CMIP: variants seen among roughly 807,000 people sequenced by gnomAD.
CMIP encodes the protein C-Maf-inducing protein.
In CMIP, 13 loss-of-function variants were observed where a neutral mutation model predicts 97.3. That is an observed-to-expected ratio of 0.13 (90% confidence interval 0.09 to 0.21). CMIP has a LOEUF of 0.21. Ranked by LOEUF, CMIP falls within the 10% of genes least tolerant of loss-of-function variation. The pLI is 1.00. For missense variants in CMIP, 847 were observed against 1,024.9 expected, an observed-to-expected ratio of 0.83 and a Z score of 2.37; for synonymous variants, 538 against 436.3, an observed-to-expected ratio of 1.23 and a Z score of -2.91.
chr16:81,686,739 C>T (rs1018185178), intron 10 of CMIP, among the ~76,000 whole-genome samples: 1 of 152,198 alleles, frequency 6.6e-6, no homozygotes, highest in Non-Finnish European at 1.5e-5. Flanking sequence ...CAGGGGTTAT[C>T]TAAACCGCCT....
chr16:81,603,205 G>C (rs998793996), intron 1 of CMIP, among the ~76,000 whole-genome samples: 2 of 151,918 alleles, frequency 1.3e-5, no homozygotes, highest in Non-Finnish European at 2.9e-5. Context: ...TCAGCCTCTC[G>C]AGTAGCTGGG....
chr16:81,447,515 C>T (rs1905934673), intron 1 of CMIP, among the ~76,000 whole-genome samples: 1 of 152,198 alleles, frequency 6.6e-6, no homozygotes, highest in African/African-American at 2.4e-5. Context: ...AGGCCCCTCG[C>T]TCACCTTGGC....
intron 10 of CMIP, among the ~76,000 whole-genome samples, chr16:81,686,080 C>T (rs1273024087): frequency 6.6e-6 from 1 of 152,212 alleles, no homozygotes; most frequent in Non-Finnish European, 1.5e-5. Context: ...GCCAAGAGCA[C>T]CCGCCCAGCC....
At chr16:81,451,891 C>T (rs556799993) in intron 1 of CMIP, among the ~76,000 whole-genome samples, 4 of 152,338 alleles carry the variant, frequency 2.6e-5, no homozygotes, top group African/African-American at 4.8e-5. Flanking sequence ...CTTCCTTGCT[C>T]CTGGCTCTGG....
chr16:81,485,961 G>A (rs1201838487), intron 1 of CMIP, among the ~76,000 whole-genome samples: 1 of 152,214 alleles, frequency 6.6e-6, no homozygotes, highest in East Asian at 1.9e-4. Flanking sequence ...GGCGCTGTGA[G>A]TGTGTCATGG....
Position 81,671,948 on chromosome 16 carries a change from C to A in CMIP, c.930-18C>A. ...CACTCCTGCAGGCTTCTCACCCCAG[C>A]CCTCTGCTTTTTTCCAGCATGCACG... is the stretch of plus-strand genomic sequence containing the variant. On this transcript the variant is annotated intron_variant, in intron 8 of 20. Coordinates refer to ENST00000537098, the MANE Select transcript of CMIP (RefSeq NM_198390.3). 1.4e-6 allele frequency: 2 copies of A among 1,446,128 alleles called. No individual in the cohort carries two copies. The highest frequency in any genetic ancestry group is 9.6e-7 in the Non-Finnish European group (1 of 1,045,394). The allele number at this position is 1,446,128 out of a possible 1,614,324, so 89.6% of individuals were successfully genotyped here. A position where few individuals can be genotyped will look rare whatever the true frequency, so the allele number is the denominator to read the frequency against.
intron 1 of CMIP, among the ~76,000 whole-genome samples, chr16:81,480,045 C>A (rs1406156439): frequency 1.3e-5 from 2 of 152,208 alleles, no homozygotes; most frequent in Admixed American, 1.3e-4. Context: ...CCAGGCCCCA[C>A]CCCAGAGACG....
intron 1 of CMIP, among the ~76,000 whole-genome samples, chr16:81,560,213 G>C (rs909569792): frequency 9.3e-6 from 1 of 107,802 alleles, no homozygotes; most frequent in African/African-American, 2.9e-5. Context: ...TTTTGTTTTT[G>C]TTTTGTTTTG....
At chr16:81,529,053 A>G (rs2090183763) in intron 1 of CMIP, among the ~76,000 whole-genome samples, 1 of 152,146 alleles carries the variant, frequency 6.6e-6, no homozygotes, top group Non-Finnish European at 1.5e-5. Context: ...GGCCTTGGCT[A>G]GATACAGATG....
intron 7 of CMIP, among the ~76,000 whole-genome samples, chr16:81,668,002 G>A (rs1422997414): frequency 6.6e-6 from 1 of 152,026 alleles, no homozygotes; most frequent in Admixed American, 6.5e-5. Context: ...AGCCCCCAGC[G>A]GCTCTAGAAA....
intron 1 of CMIP, among the ~76,000 whole-genome samples, chr16:81,592,989 C>G (rs949071287): frequency 6.6e-6 from 1 of 152,274 alleles, no homozygotes; most frequent in Non-Finnish European, 1.5e-5. Context: ...GGGCTGCACC[C>G]TGGGGACCCA....
chr16:81,495,793 G>T (rs1314238023), intron 1 of CMIP, among the ~76,000 whole-genome samples: 1 of 152,204 alleles, frequency 6.6e-6, no homozygotes, highest in African/African-American at 2.4e-5. Flanking sequence ...TCACTCTCCT[G>T]GGGCATCTGC....
intron 3 of CMIP, among the ~76,000 whole-genome samples, chr16:81,650,304 AG>A (rs913511279): frequency 1.3e-5 from 2 of 152,190 alleles, no homozygotes; most frequent in Admixed American, 6.5e-5. Flanking sequence ...GCCTATGAGA[AG>A]AGCTGATCTC....
chr16:81,475,371 C>T (rs2927334), intron 1 of CMIP, among the ~76,000 whole-genome samples: 25,934 of 152,184 alleles, frequency 0.17, 3,393 homozygotes, highest in African/African-American at 0.37. Context: ...ACCTGATGTA[C>T]CGTTCTCTGA....
chr16:81,484,703 T>C (rs2089288711), intron 1 of CMIP, among the ~76,000 whole-genome samples: 1 of 152,136 alleles, frequency 6.6e-6, no homozygotes, highest in Admixed American at 6.5e-5. Flanking sequence ...ATGGAAACAT[T>C]GTGCGCATCC....
chr16:81,655,975 G>C lies in CMIP; in HGVS notation c.640-1800G>C, dbSNP rs372743341. ...AGTCATAAGGAGAGACCAAGGCCAG[G>C]CTTCTCCCCGAAGCTGAAAAATGAC... On this transcript the variant is annotated intron_variant, in intron 4 of 20. Coordinates refer to ENST00000537098, the MANE Select transcript of CMIP (RefSeq NM_198390.3). The surrounding 1 kb of genome is among the most constrained non-coding windows in gnomAD (Gnocchi z 4.9). 6.6e-6 allele frequency among the ~76,000 whole-genome samples: 1 copy of C among 152,130 alleles called. No individual in the cohort carries two copies. The highest frequency in any genetic ancestry group is 1.5e-5 in the Non-Finnish European group (1 of 68,028).
At chr16:81,475,229 T>G (rs1167908547) in intron 1 of CMIP, among the ~76,000 whole-genome samples, 1 of 152,216 alleles carries the variant, frequency 6.6e-6, no homozygotes, top group Non-Finnish European at 1.5e-5. Flanking sequence ...CAGATAAAGT[T>G]GACATGCAAT....
At chr16:81,485,639 C>T (rs771910032) in intron 1 of CMIP, among the ~76,000 whole-genome samples, 3 of 152,136 alleles carry the variant, frequency 2.0e-5, no homozygotes, top group Non-Finnish European at 4.4e-5. Context: ...TTACGCAGCC[C>T]GTGGAAATAA....
chr16:81,457,083 G>A (rs918037600), intron 1 of CMIP, among the ~76,000 whole-genome samples: 2 of 152,176 alleles, frequency 1.3e-5, no homozygotes, highest in Non-Finnish European at 2.9e-5. Flanking sequence ...ACTGTGGAGC[G>A]AGCGTCCCGC....
Sources: allele counts gnomAD v4.1 joint callset (sites outside exome capture counted in the v4.1 genomes callset), GRCh38; gene constraint gnomAD v4.1.1; non-coding constraint Gnocchi (gnomAD v3.1); transcripts MANE v1.5; gene names NCBI Gene and HGNC (gene_info 2026-07-23, HGNC 2026-07-21).